DAAM1: variants seen among roughly 807,000 people sequenced by gnomAD.
DAAM1 encodes dishevelled associated activator of morphogenesis 1.
Under a neutral mutation model 130.0 loss-of-function variants are expected in DAAM1, and 52 were observed. That is an observed-to-expected ratio of 0.40 (90% CI 0.32 to 0.50). The LOEUF (loss-of-function observed/expected upper bound fraction) is 0.50, where lower values mean the gene tolerates loss of function less well. Among genes scored for constraint, DAAM1 ranks in the 20% least tolerant of loss-of-function variants. The pLI is 0.61. For synonymous variants in DAAM1, 452 were observed against 444.5 expected (o/e 1.02, Z -0.21); for missense variants, 1,134 against 1,303.8 (o/e 0.87, Z 2.01).
intron 17 of DAAM1, among the ~76,000 whole-genome samples, chr14:59,349,402 A>G (rs1418760250): frequency 1.3e-5 from 2 of 152,266 alleles, no homozygotes; most frequent in Non-Finnish European, 2.9e-5. Context: ...AAATAAAACC[A>G]GTCTACTGAA....
intron 1 of DAAM1, among the ~76,000 whole-genome samples, chr14:59,217,002 T>C (rs1477147069): frequency 1.3e-5 from 2 of 152,194 alleles, no homozygotes; most frequent in African/African-American, 4.8e-5. Context: ...TATAGGAGTT[T>C]CCAGCAGTTT....
intron 1 of DAAM1, among the ~76,000 whole-genome samples, chr14:59,259,729 T>C (rs556093971): frequency 1.3e-5 from 2 of 152,352 alleles, no homozygotes; most frequent in Non-Finnish European, 2.9e-5. Flanking sequence ...GCGCTGCTGC[T>C]GCCTACCTGT....
intron 3 of DAAM1, among the ~76,000 whole-genome samples, chr14:59,310,137 G>C (rs1351494848): frequency 6.8e-6 from 1 of 147,194 alleles, no homozygotes; most frequent in African/African-American, 2.5e-5. Context: ...TTGAGACAGG[G>C]TCTTGCTCTG....
chr14:59,302,679 A>G (rs1884218503), intron 3 of DAAM1, among the ~76,000 whole-genome samples: 1 of 151,998 alleles, frequency 6.6e-6, no homozygotes. Context: ...TTTGAGATGG[A>G]GTCTCACTCT....
chr14:59,311,913 C>T (rs1232124013), intron 3 of DAAM1, among the ~76,000 whole-genome samples: 4 of 151,904 alleles, frequency 2.6e-5, no homozygotes, highest in East Asian at 3.9e-4. Flanking sequence ...TGCCCAGGCT[C>T]ATCTTGAACT....
chr14:59,189,908 C>T (rs1887677523), intron 1 of DAAM1, among the ~76,000 whole-genome samples: 1 of 152,202 alleles, frequency 6.6e-6, no homozygotes, highest in South Asian at 2.1e-4. Context: ...CCCTCTCCTT[C>T]ATCTCCACTT....
chr14:59,308,967 A>T (rs1884473741), intron 3 of DAAM1, among the ~76,000 whole-genome samples: 1 of 152,142 alleles, frequency 6.6e-6, no homozygotes, highest in South Asian at 2.1e-4. Context: ...TGGCCAAAAA[A>T]TGTAACCAGG....
chr14:59,252,158 G>A (rs986623177), intron 1 of DAAM1, among the ~76,000 whole-genome samples: 1 of 152,198 alleles, frequency 6.6e-6, no homozygotes, highest in Non-Finnish European at 1.5e-5. Context: ...ATCTTTCTGA[G>A]GAAAAAGTGT....
At chr14:59,279,156 C>T (rs1369844258) in intron 2 of DAAM1, among the ~76,000 whole-genome samples, 2 of 152,088 alleles carry the variant, frequency 1.3e-5, no homozygotes, top group Non-Finnish European at 2.9e-5. Context: ...CCATCACCGC[C>T]ATAGTTTATA....
chr14:59,252,833 A>G (rs1041888422), intron 1 of DAAM1, among the ~76,000 whole-genome samples: 1 of 152,228 alleles, frequency 6.6e-6, no homozygotes, highest in African/African-American at 2.4e-5. Context: ...AGAGCATCTC[A>G]TTTAACCTTT....
At chr14:59,245,831 G>A (rs1881344679) in intron 1 of DAAM1, among the ~76,000 whole-genome samples, 1 of 152,160 alleles carries the variant, frequency 6.6e-6, no homozygotes, top group South Asian at 2.1e-4. Flanking sequence ...TTCATTTTGA[G>A]GACTAACAAT....
At chr14:59,277,174 CAA>C (rs1166491348) in intron 2 of DAAM1, among the ~76,000 whole-genome samples, 1 of 152,108 alleles carries the variant, frequency 6.6e-6, no homozygotes, top group Non-Finnish European at 1.5e-5. Context: ...CTTTTTCTTC[CAA>C]AGTGTTAGTC....
At chr14:59,210,934 T>G (rs1888408305) in intron 1 of DAAM1, among the ~76,000 whole-genome samples, 1 of 152,182 alleles carries the variant, frequency 6.6e-6, no homozygotes, top group Non-Finnish European at 1.5e-5. Flanking sequence ...CAGTATATTT[T>G]GTTTATACAT....
intron 20 of DAAM1, among the ~76,000 whole-genome samples, chr14:59,356,604 G>A (rs1886489505): frequency 6.6e-6 from 1 of 152,192 alleles, no homozygotes; most frequent in African/African-American, 2.4e-5. Context: ...TCCATCCACA[G>A]CTCTATTAGC....
intron 1 of DAAM1, among the ~76,000 whole-genome samples, chr14:59,225,826 G>A (rs1381445381): frequency 6.6e-6 from 1 of 152,162 alleles, no homozygotes; most frequent in African/African-American, 2.4e-5. Flanking sequence ...TGCGAAGATC[G>A]AAGGAGAAAT....
intron 23 of DAAM1, 73 bp downstream of exon 23, chr14:59,363,855 T>A: frequency 6.3e-7 from 1 of 1,590,546 alleles, no homozygotes. Context: ...CAGTTATTAT[T>A]CTGTACGGGA....
chr14:59,350,702 G>T (rs1886257840), intron 17 of DAAM1, among the ~76,000 whole-genome samples: 1 of 152,098 alleles, frequency 6.6e-6, no homozygotes, highest in African/African-American at 2.4e-5. Flanking sequence ...GTTTCTTGGG[G>T]GTGTTGGCAC....
chr14:59,205,120 A>G (rs905142971), intron 1 of DAAM1, among the ~76,000 whole-genome samples: 10 of 152,254 alleles, frequency 6.6e-5, no homozygotes, highest in African/African-American at 2.4e-4. Flanking sequence ...TTTGTCCTGT[A>G]GAATTTTCCA....
chr14:59,217,478 T>C (rs1248317378), intron 1 of DAAM1, among the ~76,000 whole-genome samples: 1 of 152,182 alleles, frequency 6.6e-6, no homozygotes, highest in Non-Finnish European at 1.5e-5. Flanking sequence ...TTTTTTAAGA[T>C]ATAACATGTC....
Sources: gnomAD v4.1 joint callset for allele counts (sites outside exome capture counted in the v4.1 genomes callset) on GRCh38, gnomAD v4.1.1 for gene constraint, MANE v1.5 for transcripts, NCBI Gene and HGNC (gene_info 2026-07-23, HGNC 2026-07-21) for gene names.